SERGEF: variants seen among roughly 807,000 people sequenced by gnomAD.
SERGEF encodes secretion-regulating guanine nucleotide exchange factor.
In SERGEF, 51 loss-of-function variants were observed where a neutral mutation model predicts 50.0. The observed-to-expected ratio is 1.02, with a 90% confidence interval of 0.81 to 1.29. The LOEUF (loss-of-function observed/expected upper bound fraction) is 1.29. Among genes scored for constraint, SERGEF ranks in the 50% most tolerant of loss-of-function variants. The probability of loss-of-function intolerance (pLI) is 0.00; values close to 1 mark genes in which losing one functional copy is unlikely to be tolerated. For synonymous variants in SERGEF, 205 were observed against 212.4 expected (o/e 0.97, Z 0.30); for missense variants, 521 against 557.0 (o/e 0.94, Z 0.65).
chr11:17,965,964 T>C (rs967041363), intron 8 of SERGEF, among the ~76,000 whole-genome samples: 7 of 152,224 alleles, frequency 4.6e-5, no homozygotes, highest in African/African-American at 1.7e-4. Context: ...AACTAGTGAA[T>C]GGCCATTACT....
chr11:17,830,601 GGAGAGA>G (rs71962769), intron 10 of SERGEF, among the ~76,000 whole-genome samples: 2,072 of 90,876 alleles, frequency 0.023, 32 homozygotes, highest in South Asian at 0.029. Context: ...GGAGAGAGGT[GGAGAGA>G]GAGAGAGAGA....
At chr11:17,854,188 T>C (rs900999464) in intron 10 of SERGEF, among the ~76,000 whole-genome samples, 27 of 152,078 alleles carry the variant, frequency 1.8e-4, no homozygotes, top group Admixed American at 9.8e-4. Flanking sequence ...TGTGTACATA[T>C]ACATAAAGAA....
intron 7 of SERGEF, among the ~76,000 whole-genome samples, chr11:17,989,374 GGA>G (rs1853663960): frequency 6.6e-6 from 1 of 152,118 alleles, no homozygotes; most frequent in South Asian, 2.1e-4. Context: ...TTCTATTCCT[GGA>G]TCTGCTAACT....
chr11:17,917,595 A>G (rs2133936026), intron 9 of SERGEF, among the ~76,000 whole-genome samples: 1 of 152,350 alleles, frequency 6.6e-6, no homozygotes, highest in East Asian at 1.9e-4. Flanking sequence ...TAAGAAAGAA[A>G]TGCAAATTCT....
intron 9 of SERGEF, among the ~76,000 whole-genome samples, chr11:17,933,219 C>T (rs1326101724): frequency 1.3e-5 from 2 of 152,152 alleles, no homozygotes; most frequent in Non-Finnish European, 2.9e-5. Context: ...ATCATAAATC[C>T]ATCTAAAGAT....
At chr11:17,864,780 C>G (rs1487944849) in intron 10 of SERGEF, among the ~76,000 whole-genome samples, 2 of 152,186 alleles carry the variant, frequency 1.3e-5, no homozygotes, top group Non-Finnish European at 2.9e-5. Flanking sequence ...CCTTGAGAAC[C>G]AGGCACCATC....
chr11:17,956,477 A>G (rs982780514), intron 9 of SERGEF, among the ~76,000 whole-genome samples: 3 of 152,236 alleles, frequency 2.0e-5, no homozygotes, highest in Non-Finnish European at 4.4e-5. Flanking sequence ...ACCTGCACAC[A>G]GGTTTATCAT....
chr11:17,818,070 T>G (rs1392975247), intron 10 of SERGEF, among the ~76,000 whole-genome samples: 1 of 152,234 alleles, frequency 6.6e-6, no homozygotes, highest in Non-Finnish European at 1.5e-5. Context: ...CAGCCTGCTA[T>G]GACCACGTGT....
At chr11:17,847,596 A>C (rs1850639029) in intron 10 of SERGEF, among the ~76,000 whole-genome samples, 2 of 152,320 alleles carry the variant, frequency 1.3e-5, no homozygotes, top group South Asian at 4.1e-4. Flanking sequence ...GGAGCCCAAT[A>C]ATGAAGCTAG....
chr11:18,008,725 C>T (rs925612970), intron 1 of SERGEF, among the ~76,000 whole-genome samples: 1 of 151,624 alleles, frequency 6.6e-6, no homozygotes. Context: ...GGCTACGAGT[C>T]GTTGGCAGGT....
At chr11:18,012,929 GC>G in intron 1 of SERGEF, 21 bp downstream of exon 1, 1 of 1,519,558 alleles carries the variant, frequency 6.6e-7, no homozygotes, top group Middle Eastern at 2.0e-4. Context: ...GCCTGCACCG[GC>G]CCGGGGGCGG....
chr11:17,852,864 T>C (rs2133873903), intron 10 of SERGEF, among the ~76,000 whole-genome samples: 1 of 152,296 alleles, frequency 6.6e-6, no homozygotes, highest in South Asian at 2.1e-4. Context: ...AACCCAGGTC[T>C]CCTAATTCTC....
intron 9 of SERGEF, among the ~76,000 whole-genome samples, chr11:17,879,489 CCAGGGCAAGT>C (rs2133899488): frequency 6.6e-6 from 1 of 152,248 alleles, no homozygotes; most frequent in Non-Finnish European, 1.5e-5. Context: ...ACCTCAGGTC[CCAGGGCAAGT>C]CTGTGACAAA....
intron 9 of SERGEF, among the ~76,000 whole-genome samples, chr11:17,932,535 G>C (rs3993323): frequency 1.1e-4 from 16 of 152,108 alleles, no homozygotes; most frequent in African/African-American, 3.4e-4. Flanking sequence ...AGACTGCTTA[G>C]AGTTGAATTT....
intron 10 of SERGEF, among the ~76,000 whole-genome samples, chr11:17,875,984 T>C (rs1437890541): frequency 1.3e-5 from 2 of 152,180 alleles, no homozygotes; most frequent in South Asian, 2.1e-4. Context: ...ATGAGAAACA[T>C]GGCTTTAAGC....
chr11:17,830,649 G>GGAGA (rs55967425), intron 10 of SERGEF, among the ~76,000 whole-genome samples: 3,850 of 77,434 alleles, frequency 0.05, 188 homozygotes, highest in South Asian at 0.089. Context: ...GGAGAGGGAG[G>GGAGA]GAGAGAGAGA....
At position 17,830,643 on chromosome 11, in the gene SERGEF, A is replaced by AGG. The variant is rs1491424196; in HGVS notation, c.1049-42232_1049-42231dup. On this transcript the variant is annotated intron_variant, in intron 10 of 10. Transcript: ENST00000265965. ...GAGAGAGAGGGAAAGGGGGAGGGAG[A>AGG]GGGAGGGAGAGAGAGAGAGAGAGAG... Among the ~76,000 whole-genome samples, 59 of 80,656 alleles carry AGG rather than the reference A, an allele frequency of 7.3e-4. 2 individuals are homozygous for AGG. Among genetic ancestry groups the AGG allele is most frequent in the East Asian group, 1.2e-3 (2 of 1,676 alleles). The allele number at this position is 80,656 out of a possible 152,430, so 52.9% of individuals were successfully genotyped here. A position where few individuals can be genotyped will look rare whatever the true frequency, so the allele number is the denominator to read the frequency against.
intron 1 of SERGEF, among the ~76,000 whole-genome samples, chr11:18,012,281 C>A (rs1194062120): frequency 6.6e-6 from 1 of 152,210 alleles, no homozygotes; most frequent in African/African-American, 2.4e-5. Flanking sequence ...GACGCAGCGA[C>A]TGCTTGTTCC....
intron 1 of SERGEF, among the ~76,000 whole-genome samples, chr11:18,009,338 C>T (rs1343954631): frequency 6.6e-6 from 1 of 152,142 alleles, no homozygotes; most frequent in Non-Finnish European, 1.5e-5. Context: ...CCTCATCTTT[C>T]CCTTCTTATG....
Sources: gnomAD v4.1 joint callset for allele counts (sites outside exome capture counted in the v4.1 genomes callset) on GRCh38, gnomAD v4.1.1 for gene constraint, MANE v1.5 for transcripts, NCBI Gene and HGNC (gene_info 2026-07-23, HGNC 2026-07-21) for gene names.